ANKRD12: variants seen among roughly 807,000 people sequenced by gnomAD.
ANKRD12 encodes the protein ankyrin repeat domain 12.
In ANKRD12, 85 loss-of-function variants were observed where a neutral mutation model predicts 183.4. The observed-to-expected ratio is 0.46, with a 90% confidence interval of 0.39 to 0.56. The LOEUF is 0.56. Ranked by LOEUF, ANKRD12 falls within the 20% of genes least tolerant of loss-of-function variation. ANKRD12 has a pLI of 0.00. For synonymous variants in ANKRD12, 914 were observed against 800.2 expected (o/e 1.14, Z -2.40); for missense variants, 2,405 against 2,357.1 (o/e 1.02, Z -0.42).
At chr18:9,249,115 C>CTG (rs1465446958) in intron 8 of ANKRD12, among the ~76,000 whole-genome samples, 1 of 152,100 alleles carries the variant, frequency 6.6e-6, no homozygotes, top group African/African-American at 2.4e-5. Context: ...CGAAAGTCCT[C>CTG]TGTGTAGATC....
rs1242907856 is a variant in ANKRD12 at position 9,254,979 on chromosome 18, G to T, written c.1712G>T (p.Ser571Ile). The T allele has an allele frequency of 2.5e-6, 4 of 1,607,996 alleles. No homozygotes were observed. The highest frequency in any genetic ancestry group is 2.5e-6 in the Non-Finnish European group (3 of 1,177,918). Residue 571 changes from serine to isoleucine, a missense_variant, in exon 9 of 13, where the codon AGT (serine) becomes ATT (isoleucine). Around this residue, in one of 7 missense-constraint regions of ANKRD12, gnomAD observed 1,983 missense variants for 1,725.9 expected, o/e 1.15. Coordinates refer to ENST00000262126, the MANE Select transcript of ANKRD12 (RefSeq NM_015208.5). Reference protein sequence around the residue: ...EHTKTCLSPGSSEMSLQPDLV... With the variant: ...EHTKTCLSPGISEMSLQPDLV... ...ACTAAAACATGTTTATCACCAGGAA[G>T]TTCTGAAATGTCATTACAGCCTGAT... is the stretch of plus-strand genomic sequence containing the variant.
At chr18:9,273,331 C>T (rs1454864650) in intron 10 of ANKRD12, among the ~76,000 whole-genome samples, 1 of 152,182 alleles carries the variant, frequency 6.6e-6, no homozygotes, top group Non-Finnish European at 1.5e-5. Context: ...CCACTTAATA[C>T]AGGATTTTAT....
chr18:9,212,528 C>T (rs1439748921), intron 6 of ANKRD12, among the ~76,000 whole-genome samples: 2 of 150,870 alleles, frequency 1.3e-5, no homozygotes, highest in Non-Finnish European at 3.0e-5. Context: ...TTTTTAATAG[C>T]TGCATAATAT....
chr18:9,273,517 C>A (rs2145433175), intron 10 of ANKRD12, among the ~76,000 whole-genome samples: 1 of 152,266 alleles, frequency 6.6e-6, no homozygotes, highest in Non-Finnish European at 1.5e-5. Context: ...GAAATTAGAA[C>A]CCTCCCATTG....
At position 9,174,652 on chromosome 18, in the gene ANKRD12, C is replaced by T. The variant is rs370587538; in HGVS notation, c.-51-7730C>T. Among the ~76,000 whole-genome samples the T allele has an allele frequency of 5.9e-5, 9 of 152,310 alleles. No homozygotes were observed. The East Asian group carries it at 9.6e-4, about 16-fold the overall frequency. ...CTCCTGGGTGGGCCATTGCCACACC[C>T]TGCTTTTTTTGTTGTCTGTGGGTCA... On this transcript the variant is annotated intron_variant, in intron 1 of 12. Coordinates refer to ENST00000262126, the MANE Select transcript of ANKRD12 (RefSeq NM_015208.5).
Position 9,258,123 on chromosome 18 carries a change from T to G in ANKRD12, c.4856T>G (p.Val1619Gly). 6.2e-7 allele frequency: 1 copy of G among 1,613,624 alleles called. No homozygotes were observed. Among genetic ancestry groups the G allele is most frequent in the East Asian group, 2.2e-5 (1 of 44,864 alleles). ...TACAAGTCTTCCAGTGGCCATGAAG[T>G]TGAGAATAGCACAACTGATACTCAG... ...LTYKSSSGHE[V>G]ENSTTDTQVI... Residue 1619 changes from valine (V) to glycine (G), a missense_variant, in exon 9 of 13, where the codon GTT becomes GGT. By Grantham distance (109) the Val-to-Gly change is moderately radical (BLOSUM62 -3). Around this residue, in one of 7 missense-constraint regions of ANKRD12, gnomAD observed 1,983 missense variants for 1,725.9 expected, o/e 1.15. Coordinates refer to ENST00000262126, the MANE Select transcript of ANKRD12 (RefSeq NM_015208.5).
At position 9,258,704 on chromosome 18, in the gene ANKRD12, C is replaced by T. The variant is rs767003915; in HGVS notation, c.5437C>T (p.Leu1813=). 6.2e-7 allele frequency: 1 copy of T among 1,613,894 alleles called. No individual in the cohort carries two copies. Among genetic ancestry groups the T allele is most frequent in the Non-Finnish European group, 8.5e-7 (1 of 1,179,914 alleles). The part of the protein sequence containing the change: ...LQAKEKTQQS[L]AAIVDSLKLD... ...AGCAAAAGAGAAAACTCAGCAATCT[C>T]TGGCAGCCATTGTAGATTCTCTAAA... The change falls in exon 9 of 13, where the codon CTG becomes TTG. Residue 1813 remains leucine, a synonymous_variant. Transcript: ENST00000262126.
intron 8 of ANKRD12, among the ~76,000 whole-genome samples, chr18:9,247,056 A>G (rs189950483): frequency 2.6e-5 from 4 of 152,298 alleles, no homozygotes; most frequent in Admixed American, 6.5e-5. Context: ...AATTACACCT[A>G]TTTTGAAGTG....
chr18:9,145,734 T>C (rs1379819001), intron 1 of ANKRD12, among the ~76,000 whole-genome samples: 1 of 152,240 alleles, frequency 6.6e-6, no homozygotes, highest in African/African-American at 2.4e-5. Flanking sequence ...GATGAGGGGC[T>C]TAATAAAAAT....
intron 6 of ANKRD12, among the ~76,000 whole-genome samples, chr18:9,213,002 A>G (rs1388861017): frequency 6.6e-6 from 1 of 151,870 alleles, no homozygotes; most frequent in Non-Finnish European, 1.5e-5. Flanking sequence ...AAAGATTTTC[A>G]CAGTCTGTGG....
At chr18:9,260,436 T>A (rs1316195993) in intron 9 of ANKRD12, 1 of 152,152 alleles carries the variant, frequency 6.6e-6, no homozygotes, top group African/African-American at 2.4e-5. Context: ...TAATCATAAT[T>A]TAATCAAAAT....
intron 7 of ANKRD12, among the ~76,000 whole-genome samples, chr18:9,217,786 C>T (rs1273599005): frequency 6.6e-6 from 1 of 152,168 alleles, no homozygotes; most frequent in Non-Finnish European, 1.5e-5. Context: ...CACTAGACTG[C>T]AAGTACTACC....
intron 11 of ANKRD12, among the ~76,000 whole-genome samples, chr18:9,277,623 G>A (rs951980902): frequency 6.6e-6 from 1 of 151,888 alleles, no homozygotes; most frequent in Non-Finnish European, 1.5e-5. Flanking sequence ...CACCGCGCCC[G>A]GCCGACACCC....
At chr18:9,207,931 AT>A (rs1218423813) in intron 4 of ANKRD12, among the ~76,000 whole-genome samples, 1 of 152,148 alleles carries the variant, frequency 6.6e-6, no homozygotes, top group East Asian at 1.9e-4. Context: ...CTGACACTTA[AT>A]GGGGAACGCA....
chr18:9,147,314 G>A lies in ANKRD12; in HGVS notation c.-52+10349G>A, dbSNP rs73390132. The stretch of plus-strand genomic sequence containing the variant: ...TAGAAAGCAGTAAAAGTGAGATAGG[G>A]CACTTTTGGGGGTTAAGCTGTGAGC... On this transcript the variant is annotated intron_variant, in intron 1 of 12. Transcript: ENST00000262126. Among the ~76,000 whole-genome samples, 607 of 152,140 alleles carry A rather than the reference G, an allele frequency of 4.0e-3. 3 individuals carry two copies. The highest frequency in any genetic ancestry group is 0.014 in the African/African-American group (574 of 41,488).
intron 5 of ANKRD12, among the ~76,000 whole-genome samples, chr18:9,210,858 C>T (rs895707669): frequency 4.0e-5 from 6 of 149,296 alleles, no homozygotes; most frequent in African/African-American, 7.4e-5. Flanking sequence ...TTTCTTTTCT[C>T]TTAGAGCAGT....
chr18:9,209,985 G>A (rs1293811790), intron 5 of ANKRD12, among the ~76,000 whole-genome samples: 4 of 151,984 alleles, frequency 2.6e-5, no homozygotes, highest in East Asian at 1.9e-4. Flanking sequence ...TTACAAATAC[G>A]TATCTTTTGT....
At chr18:9,187,197 A>C (rs1301513010) in intron 2 of ANKRD12, among the ~76,000 whole-genome samples, 1 of 152,064 alleles carries the variant, frequency 6.6e-6, no homozygotes, top group African/African-American at 2.4e-5. Flanking sequence ...AGACCAAGGC[A>C]GGAGAATTGC....
At chr18:9,185,399 A>T (rs892969510) in intron 2 of ANKRD12, among the ~76,000 whole-genome samples, 1 of 152,224 alleles carries the variant, frequency 6.6e-6, no homozygotes, top group Non-Finnish European at 1.5e-5. Flanking sequence ...GTGTGTGAAG[A>T]AAAAATAGTC....
Sources: gnomAD v4.1 joint callset for allele counts (sites outside exome capture counted in the v4.1 genomes callset) on GRCh38, gnomAD v4.1.1 for gene constraint, gnomAD v4.1.1 regional missense constraint, MANE v1.5 for transcripts, NCBI Gene and HGNC (gene_info 2026-07-23, HGNC 2026-07-21) for gene names.